The following GBE1 variants were observed in gnomAD, a reference collection of about 807,000 sequenced individuals.
The protein encoded by GBE1 is 1,4-alpha-glucan branching enzyme 1.
In GBE1, 70 loss-of-function variants were observed where a neutral mutation model predicts 88.8. The ratio of observed to expected loss-of-function variants is 0.79; its 90% CI spans 0.65 to 0.96. GBE1 has a LOEUF of 0.96. Ranked by LOEUF, GBE1 falls within the 40% of genes least tolerant of loss-of-function variation. GBE1 has a pLI of 0.00. For missense variants in GBE1, 872 were observed against 871.0 expected, an observed-to-expected ratio of 1.00 and a Z score of -0.01; for synonymous variants, 284 against 300.1, an observed-to-expected ratio of 0.95 and a Z score of 0.56.
At chr3:81,507,465 G>C (rs1268808749) in intron 14 of GBE1, among the ~76,000 whole-genome samples, 1 of 152,044 alleles carries the variant, frequency 6.6e-6, no homozygotes, top group African/African-American at 2.4e-5. Flanking sequence ...TTGGGAGGCT[G>C]AGGCAGGAGA....
At chr3:81,535,089 T>A (rs1273655783) in intron 14 of GBE1, 106 bp downstream of exon 14, 2 of 1,026,712 alleles carry the variant, frequency 1.9e-6, no homozygotes, top group African/African-American at 3.3e-5. Context: ...GGAAAATGAA[T>A]GTTTCTGTCA....
At chr3:81,597,013 A>C (rs976684750) in intron 7 of GBE1, among the ~76,000 whole-genome samples, 2 of 151,952 alleles carry the variant, frequency 1.3e-5, no homozygotes, top group East Asian at 1.9e-4. Context: ...TGAGAGAAAG[A>C]GGAGTTATGA....
chr3:81,642,818 G>A lies in GBE1; in HGVS notation c.955C>T (p.His319Tyr), dbSNP rs767100121. Residue 319 changes from histidine to tyrosine, a missense_variant, in exon 7 of 16, where the codon CAT becomes TAT. Coordinates refer to ENST00000429644, the MANE Select transcript of GBE1 (RefSeq NM_000158.4). ...CYFHSGPRGTHDLWDSRLFAY... is the reference protein window; with the variant it reads ...CYFHSGPRGTYDLWDSRLFAY... ...AACAATCTGCTATCCCAAAGATCAT[G>A]AGTCCCTCTAGGTCCAGAATGAAAA... The A allele has an allele frequency of 5.6e-6, 9 of 1,612,826 alleles. No homozygotes were observed. The highest frequency in any genetic ancestry group is 2.2e-5 in the South Asian group (2 of 91,066).
At chr3:81,636,958 T>A (rs1704601151) in intron 7 of GBE1, among the ~76,000 whole-genome samples, 1 of 152,114 alleles carries the variant, frequency 6.6e-6, no homozygotes. Flanking sequence ...ATACATTAGC[T>A]CTCCCTTATT....
chr3:81,526,869 C>T (rs551986995), intron 14 of GBE1, among the ~76,000 whole-genome samples: 8 of 152,178 alleles, frequency 5.3e-5, no homozygotes, highest in African/African-American at 1.9e-4. Context: ...GAAAAAACTA[C>T]TTTAAAGTTC....
intron 1 of GBE1, among the ~76,000 whole-genome samples, chr3:81,750,631 GTATATATATATAT>G (rs1706506366): frequency 3.8e-5 from 1 of 26,286 alleles, no homozygotes; most frequent in Non-Finnish European, 6.1e-5. Flanking sequence ...ATATATATAC[GTATATATATATAT>G]GTATATATAT....
intron 12 of GBE1, among the ~76,000 whole-genome samples, chr3:81,577,172 C>T (rs780919451): frequency 5.3e-5 from 8 of 151,884 alleles, no homozygotes; most frequent in Non-Finnish European, 8.8e-5. Context: ...TAACTCTTCG[C>T]CTCAAGCCAT....
chr3:81,634,659 G>C (rs1704567533), intron 7 of GBE1, among the ~76,000 whole-genome samples: 1 of 152,116 alleles, frequency 6.6e-6, no homozygotes, highest in Non-Finnish European at 1.5e-5. Flanking sequence ...GGAAAAAAGA[G>C]AGGTATTTTA....
At chr3:81,639,513 C>T (rs115767874) in intron 7 of GBE1, among the ~76,000 whole-genome samples, 3,602 of 151,820 alleles carry the variant, frequency 0.024, 162 homozygotes, top group African/African-American at 0.082. Context: ...AACGCCCCTT[C>T]GAAGGGAGGG....
intron 12 of GBE1, among the ~76,000 whole-genome samples, chr3:81,570,644 A>T (rs1212796167): frequency 6.6e-6 from 1 of 152,232 alleles, no homozygotes; most frequent in African/African-American, 2.4e-5. Flanking sequence ...AGTAGGAAGC[A>T]GAGATATCTG....
chr3:81,646,717 C>G (rs1274276643), intron 5 of GBE1, among the ~76,000 whole-genome samples: 1 of 152,020 alleles, frequency 6.6e-6, no homozygotes, highest in Non-Finnish European at 1.5e-5. Flanking sequence ...TTTTAACAAG[C>G]AATAAATAAT....
chr3:81,628,765 A>G (rs1194516818), intron 7 of GBE1, among the ~76,000 whole-genome samples: 8 of 127,182 alleles, frequency 6.3e-5, no homozygotes, highest in South Asian at 2.4e-4. Flanking sequence ...ATATATATAT[A>G]TATATATATA....
At chr3:81,713,783 A>G (rs1182615525) in intron 1 of GBE1, among the ~76,000 whole-genome samples, 1 of 152,204 alleles carries the variant, frequency 6.6e-6, no homozygotes, top group Non-Finnish European at 1.5e-5. Flanking sequence ...TCCAATCTGT[A>G]TTCAACTTAG....
At chr3:81,571,330 T>G (rs1295062721) in intron 12 of GBE1, among the ~76,000 whole-genome samples, 5 of 152,360 alleles carry the variant, frequency 3.3e-5, no homozygotes, top group Admixed American at 3.3e-4. Flanking sequence ...GTTTAGTTGA[T>G]TCCAGATTTC....
intron 14 of GBE1, among the ~76,000 whole-genome samples, chr3:81,510,462 T>A (rs1702710574): frequency 6.6e-6 from 1 of 152,082 alleles, no homozygotes; most frequent in Non-Finnish European, 1.5e-5. Context: ...TAAACTAGTG[T>A]CCCATGAAAA....
intron 1 of GBE1, among the ~76,000 whole-genome samples, chr3:81,711,064 A>C (rs1360237121): frequency 6.6e-6 from 1 of 152,158 alleles, no homozygotes; most frequent in Non-Finnish European, 1.5e-5. Context: ...CTCTCCTGGA[A>C]GGCAGTTGGT....
At chr3:81,575,620 C>A (rs1288063882) in intron 12 of GBE1, among the ~76,000 whole-genome samples, 2 of 151,942 alleles carry the variant, frequency 1.3e-5, no homozygotes, top group African/African-American at 2.4e-5. Flanking sequence ...AATAAAATTC[C>A]AGAAAATTAA....
chr3:81,595,480 A>G (rs1268255918), intron 7 of GBE1, among the ~76,000 whole-genome samples: 1 of 151,944 alleles, frequency 6.6e-6, no homozygotes, highest in East Asian at 1.9e-4. Flanking sequence ...GCATATATCG[A>G]TATTTTGTAA....
At chr3:81,592,173 T>A (rs1703888471) in intron 8 of GBE1, among the ~76,000 whole-genome samples, 1 of 152,122 alleles carries the variant, frequency 6.6e-6, no homozygotes. Flanking sequence ...GTGTTTAGGA[T>A]ACTTAAAGTT....
Sources: allele counts gnomAD v4.1 joint callset (sites outside exome capture counted in the v4.1 genomes callset), GRCh38; gene constraint gnomAD v4.1.1; transcripts MANE v1.5; gene names NCBI Gene and HGNC (gene_info 2026-07-23, HGNC 2026-07-21).